The following GPHN variants were observed in gnomAD, a reference collection of about 807,000 sequenced individuals.
GPHN encodes the protein gephyrin.
In GPHN, 17 loss-of-function variants were observed where a neutral mutation model predicts 95.5. That is an observed-to-expected ratio of 0.18 (90% confidence interval 0.12 to 0.27). GPHN has a LOEUF of 0.27. Among genes scored for constraint, GPHN ranks in the 10% least tolerant of loss-of-function variants. GPHN has a pLI of 1.00. For synonymous variants in GPHN, 320 were observed against 322.5 expected (o/e 0.99, Z 0.08); for missense variants, 660 against 978.1 (o/e 0.67, Z 4.34).
At chr14:67,726,568 G>A in the GPHN span, among the ~76,000 whole-genome samples, 1 of 152,128 alleles carries the variant, frequency 6.6e-6, no homozygotes, top group Admixed American at 6.5e-5. Flanking sequence ...GGCAGGGTGG[G>A]GTTCAGCGTT....
At chr14:67,692,120 G>T in the GPHN span, 1 of 225,716 alleles carries the variant, frequency 4.4e-6, no homozygotes, top group Non-Finnish European at 8.7e-6. Flanking sequence ...AAAGGCCTGT[G>T]GCCTCATCTC....
the GPHN span, among the ~76,000 whole-genome samples, chr14:67,297,599 G>A: frequency 6.6e-6 from 1 of 152,188 alleles, no homozygotes; most frequent in Non-Finnish European, 1.5e-5. Context: ...TGGAAAGTCA[G>A]TGGAAACAGA....
intron 9 of GPHN, among the ~76,000 whole-genome samples, chr14:67,005,628 A>C (rs1594791122): frequency 6.6e-6 from 1 of 151,824 alleles, no homozygotes; most frequent in Non-Finnish European, 1.5e-5. Flanking sequence ...ACACAGACTC[A>C]TGTTTCATTT....
chr14:67,675,758 C>T, the GPHN span, among the ~76,000 whole-genome samples: 16 of 152,110 alleles, frequency 1.1e-4, no homozygotes, highest in Admixed American at 6.5e-4. Context: ...CTAAGTGTCA[C>T]GTGTTAAAAA....
chr14:67,722,612 A>C, the GPHN span: 1 of 1,602,682 alleles, frequency 6.2e-7, no homozygotes, highest in Non-Finnish European at 8.6e-7. Flanking sequence ...GAGCAGCAGC[A>C]AAAGCAACAG....
the GPHN span, among the ~76,000 whole-genome samples, chr14:67,538,495 C>T: frequency 4.7e-4 from 72 of 152,192 alleles, no homozygotes; most frequent in Non-Finnish European, 2.2e-4. Flanking sequence ...TTCTGCTCAT[C>T]CTTGTGCATT....
the GPHN span, among the ~76,000 whole-genome samples, chr14:67,694,992 C>CAAT: frequency 6.6e-6 from 1 of 152,184 alleles, no homozygotes; most frequent in Non-Finnish European, 1.5e-5. Context: ...ATCACCTGGT[C>CAAT]AATACCTTCC....
At chr14:67,724,972 G>T in the GPHN span, 2 of 1,115,724 alleles carry the variant, frequency 1.8e-6, no homozygotes, top group Non-Finnish European at 2.7e-6. Context: ...GTGGCAATAT[G>T]TTCACTCTAC....
intron 2 of GPHN, among the ~76,000 whole-genome samples, chr14:66,749,392 G>A (rs6573721): frequency 0.34 from 51,858 of 151,720 alleles, 13,387 homozygotes; most frequent in African/African-American, 0.7. Context: ...GTGGTACAGT[G>A]TGTTTAGTTT....
the GPHN span, among the ~76,000 whole-genome samples, chr14:67,356,174 C>T: frequency 1.7e-4 from 26 of 152,250 alleles, 1 homozygote; most frequent in South Asian, 5.2e-3. Context: ...AATACCAACA[C>T]TTTGGGAGGC....
chr14:67,354,449 CTT>C, the GPHN span, among the ~76,000 whole-genome samples: 1 of 152,284 alleles, frequency 6.6e-6, no homozygotes, highest in South Asian at 2.1e-4. Context: ...AACAATTCCA[CTT>C]TGCGGAATTT....
At chr14:67,229,904 A>C in the GPHN span, among the ~76,000 whole-genome samples, 2 of 152,148 alleles carry the variant, frequency 1.3e-5, no homozygotes, top group South Asian at 4.1e-4. Context: ...CAGCCTAGGG[A>C]ATTCCTCCTC....
At chr14:67,408,126 A>C in the GPHN span, among the ~76,000 whole-genome samples, 4 of 151,962 alleles carry the variant, frequency 2.6e-5, no homozygotes, top group African/African-American at 9.7e-5. Flanking sequence ...GTCTCTACTA[A>C]AAATACAAAA....
intron 4 of GPHN, chr14:66,842,771 T>A: frequency 8.0e-7 from 1 of 1,247,354 alleles, no homozygotes. Flanking sequence ...ATTTTTAGTG[T>A]TTTGGTTTCT....
chr14:66,718,828 G>C (rs2153426392), intron 2 of GPHN, among the ~76,000 whole-genome samples: 1 of 152,298 alleles, frequency 6.6e-6, no homozygotes, highest in East Asian at 1.9e-4. Context: ...CCATCAGGTG[G>C]GGGCAGGGCC....
At chr14:66,832,395 G>C (rs982062836) in intron 4 of GPHN, among the ~76,000 whole-genome samples, 2 of 152,080 alleles carry the variant, frequency 1.3e-5, no homozygotes, top group Non-Finnish European at 2.9e-5. Flanking sequence ...AGATATGGTA[G>C]CTCCAAATAC....
At chr14:66,813,694 C>A (rs1465484671) in intron 3 of GPHN, among the ~76,000 whole-genome samples, 1 of 152,186 alleles carries the variant, frequency 6.6e-6, no homozygotes, top group Admixed American at 6.5e-5. Flanking sequence ...GGACAGCCAT[C>A]CCCCTAGACT....
At chr14:66,600,234 C>T (rs574314670) in intron 1 of GPHN, among the ~76,000 whole-genome samples, 1 of 152,056 alleles carries the variant, frequency 6.6e-6, no homozygotes, top group East Asian at 1.9e-4. Context: ...AATTTTCTTC[C>T]TTTTTAAAAC....
chr14:67,473,474 G>A, the GPHN span: 6 of 1,614,032 alleles, frequency 3.7e-6, no homozygotes, highest in South Asian at 4.4e-5. The surrounding 1 kb of genome is among the most constrained non-coding windows in gnomAD (Gnocchi z 6.5). Flanking sequence ...TGGGCTCCCC[G>A]GGCTCAGCGT....
Sources: allele counts gnomAD v4.1 joint callset (sites outside exome capture counted in the v4.1 genomes callset), GRCh38; gene constraint gnomAD v4.1.1; non-coding constraint Gnocchi (gnomAD v3.1); transcripts MANE v1.5; gene names NCBI Gene and HGNC (gene_info 2026-07-23, HGNC 2026-07-21).